The following BMPR1B variants were observed in gnomAD, a reference collection of about 807,000 sequenced individuals.
BMPR1B encodes the protein bone morphogenetic protein receptor type 1B.
Under a neutral mutation model 59.1 loss-of-function variants are expected in BMPR1B, and 12 were observed. That is an observed-to-expected ratio of 0.20 (90% CI 0.13 to 0.33). BMPR1B has a LOEUF of 0.33. Among genes scored for constraint, BMPR1B ranks in the 10% least tolerant of loss-of-function variants. The probability of loss-of-function intolerance (pLI) is 1.00; values close to 1 mark genes in which losing one functional copy is unlikely to be tolerated. For missense variants in BMPR1B, 550 were observed against 610.9 expected (o/e 0.90, Z 1.05); for synonymous variants, 237 against 207.3 (o/e 1.14, Z -1.23).
At chr4:95,120,829 G>A (rs1434357235) in intron 6 of BMPR1B, among the ~76,000 whole-genome samples, 1 of 127,958 alleles carries the variant, frequency 7.8e-6, no homozygotes, top group African/African-American at 2.9e-5. Context: ...TCCTTTTCAA[G>A]ATGGAGTCTC....
intron 2 of BMPR1B, among the ~76,000 whole-genome samples, chr4:94,892,352 G>A (rs1438972236): frequency 1.3e-5 from 2 of 152,008 alleles, no homozygotes; most frequent in South Asian, 2.1e-4. Flanking sequence ...AGATCTCCAC[G>A]TGATTTATAT....
At chr4:95,024,224 G>T (rs1214257403) in intron 3 of BMPR1B, among the ~76,000 whole-genome samples, 2 of 152,140 alleles carry the variant, frequency 1.3e-5, no homozygotes, top group Non-Finnish European at 2.9e-5. Flanking sequence ...TGTAATTAAA[G>T]AAGTGACTTT....
chr4:94,983,893 G>A (rs1010121830), intron 2 of BMPR1B, among the ~76,000 whole-genome samples: 6 of 152,202 alleles, frequency 3.9e-5, no homozygotes, highest in Non-Finnish European at 1.5e-5. Flanking sequence ...AACAGGGATT[G>A]TGTCTAGAGT....
chr4:94,897,652 GT>G (rs924857547), intron 2 of BMPR1B, among the ~76,000 whole-genome samples: 4 of 151,906 alleles, frequency 2.6e-5, no homozygotes, highest in Admixed American at 1.3e-4. Flanking sequence ...TAACATAAGG[GT>G]TTTTTTGTTT....
chr4:95,034,807 G>C (rs560927528), intron 3 of BMPR1B, among the ~76,000 whole-genome samples: 90 of 151,840 alleles, frequency 5.9e-4, no homozygotes, highest in Non-Finnish European at 1.1e-3. Context: ...GAGCGGTATT[G>C]CTGGATCAAA....
Position 94,914,218 on chromosome 4 carries a change from T to G in BMPR1B, c.-113+38318T>G, listed in dbSNP as rs559206183. Among the ~76,000 whole-genome samples, 16 of 152,114 alleles carry G rather than the reference T, an allele frequency of 1.1e-4. No homozygotes were observed. In the East Asian group the frequency reaches 2.5e-3, roughly 24 times the overall value. On this transcript the variant is annotated intron_variant, in intron 2 of 12. Transcript: ENST00000515059. ...GAAAAAATGTTGTGCAGCTAGGTGG[T>G]CTCGAAGATGCCTTCTAGATTTCTT...
chr4:94,873,582 A>G (rs1403983433), intron 1 of BMPR1B, among the ~76,000 whole-genome samples: 9 of 151,654 alleles, frequency 5.9e-5, no homozygotes, highest in Non-Finnish European at 1.3e-4. Flanking sequence ...AATATTTTGT[A>G]TTTCTTTAGT....
At chr4:94,843,274 G>C (rs6816482) in intron 1 of BMPR1B, among the ~76,000 whole-genome samples, 1 of 151,946 alleles carries the variant, frequency 6.6e-6, no homozygotes, top group Non-Finnish European at 1.5e-5. Context: ...AGGTAAATTT[G>C]TGGAAGTTTA....
chr4:94,894,606 T>C (rs182509282), intron 2 of BMPR1B, among the ~76,000 whole-genome samples: 96 of 152,156 alleles, frequency 6.3e-4, no homozygotes, highest in African/African-American at 2.2e-3. Context: ...GAGAATACTC[T>C]ATTTTGCATA....
At chr4:94,855,223 A>T (rs1014449402) in intron 1 of BMPR1B, among the ~76,000 whole-genome samples, 5 of 152,184 alleles carry the variant, frequency 3.3e-5, no homozygotes, top group Non-Finnish European at 7.3e-5. Flanking sequence ...CACTTATCTA[A>T]CAGTTATTAT....
At chr4:95,090,143 T>C (rs1395335774) in intron 3 of BMPR1B, among the ~76,000 whole-genome samples, 1 of 152,052 alleles carries the variant, frequency 6.6e-6, no homozygotes, top group Non-Finnish European at 1.5e-5. Flanking sequence ...GTTGACCCTA[T>C]TGATTTTAAT....
At chr4:95,017,515 G>A (rs1723663204) in intron 3 of BMPR1B, among the ~76,000 whole-genome samples, 1 of 152,168 alleles carries the variant, frequency 6.6e-6, no homozygotes, top group South Asian at 2.1e-4. Flanking sequence ...TCAGTTCTTG[G>A]GCTTCACCCC....
intron 8 of BMPR1B, among the ~76,000 whole-genome samples, chr4:95,128,877 G>T (rs1189869996): frequency 6.6e-6 from 1 of 151,996 alleles, no homozygotes; most frequent in African/African-American, 2.4e-5. Flanking sequence ...TGTTTCTGTT[G>T]ACTCTCATTT....
At chr4:95,133,754 A>G (rs1265845561) in intron 10 of BMPR1B, among the ~76,000 whole-genome samples, 3 of 149,506 alleles carry the variant, frequency 2.0e-5, no homozygotes, top group Non-Finnish European at 4.5e-5. Context: ...TTTTTTTTTA[A>G]TAGATGGGAT....
At position 95,129,978 on chromosome 4, in the gene BMPR1B, C is replaced by A. The variant is rs536641256; in HGVS notation, c.702C>A (p.Phe234Leu). 1 of 1,613,980 alleles carries A rather than the reference C, an allele frequency of 6.2e-7. No homozygotes were observed. Among genetic ancestry groups the A allele is most frequent in the South Asian group, 1.1e-5 (1 of 91,084 alleles). ...RGEKVAVKVF[F>L]TTEEASWFRE... ...AAAAGGTAGCTGTGAAAGTGTTCTT[C>A]ACCACAGAGGAAGCCAGCTGGTTCA... The change falls in exon 9 of 13, where the codon TTC becomes TTA. Residue 234 changes from phenylalanine (F) to leucine (L), a missense_variant. Phe to Leu is a conservative substitution (Grantham distance 22). Around this residue, in one of 6 missense-constraint regions of BMPR1B, gnomAD observed 318 missense variants for 284.6 expected, o/e 1.12. Transcript: ENST00000515059.
chr4:94,782,291 G>A lies in BMPR1B; in HGVS notation c.-183+24223G>A, dbSNP rs188437176. On this transcript the variant is annotated intron_variant, in intron 1 of 12. Coordinates refer to ENST00000515059, the MANE Select transcript of BMPR1B (RefSeq NM_001203.3). ...CAGATACTTCCTTCTACTCAGTTTT[G>A]CATATCAGTTATTATACTTTTAATT... 2.0e-5 allele frequency among the ~76,000 whole-genome samples: 3 copies of A among 150,522 alleles called. No individual in the cohort carries two copies. The East Asian group carries it at 5.9e-4, about 29-fold the overall frequency.
rs1404430917 is a variant in BMPR1B, at chr4:94,877,978, A to G, written c.-113+2078A>G. Among the ~76,000 whole-genome samples the G allele has an allele frequency of 3.3e-5, 5 of 152,268 alleles. No homozygotes were observed. In the East Asian group the frequency reaches 5.8e-4, roughly 18 times the overall value. ...TGTGTGCGTGTGTGTGTGTATATGC[A>G]TTTACATTGGAATGATATCGCCTAT... On this transcript the variant is annotated intron_variant, in intron 2 of 12. Transcript: ENST00000515059.
At chr4:95,020,504 G>A (rs1451445151) in intron 3 of BMPR1B, among the ~76,000 whole-genome samples, 3 of 151,068 alleles carry the variant, frequency 2.0e-5, no homozygotes, top group East Asian at 2.0e-4. Flanking sequence ...GCTTGAACCC[G>A]GGAGGCAGAG....
At chr4:94,880,411 A>G (rs1726911157) in intron 2 of BMPR1B, among the ~76,000 whole-genome samples, 1 of 152,058 alleles carries the variant, frequency 6.6e-6, no homozygotes, top group African/African-American at 2.4e-5. Context: ...TGCAGCCTCA[A>G]CCTCCTGGGC....
Sources: allele counts gnomAD v4.1 joint callset (sites outside exome capture counted in the v4.1 genomes callset), GRCh38; gene constraint gnomAD v4.1.1; regional missense constraint gnomAD v4.1.1; transcripts MANE v1.5; gene names NCBI Gene and HGNC (gene_info 2026-07-23, HGNC 2026-07-21).